KIF5B: variants seen among roughly 807,000 people sequenced by gnomAD.
KIF5B encodes the protein kinesin-1 heavy chain.
Under a neutral mutation model 132.8 loss-of-function variants are expected in KIF5B, and 49 were observed. The ratio of observed to expected loss-of-function variants is 0.37; its 90% CI spans 0.29 to 0.47. KIF5B has a LOEUF of 0.47. Among genes scored for constraint, KIF5B ranks in the 20% least tolerant of loss-of-function variants. The pLI, the probability that KIF5B is intolerant of heterozygous loss-of-function variation, is 1.00. For synonymous variants in KIF5B, 355 were observed against 369.4 expected, an observed-to-expected ratio of 0.96 and a Z score of 0.45; for missense variants, 780 against 1,144.0, an observed-to-expected ratio of 0.68 and a Z score of 4.59.
At chr10:32,038,242 G>T in intron 5 of KIF5B, 24 bp from the exon 6 acceptor site, 1 of 1,554,762 alleles carries the variant, frequency 6.4e-7, no homozygotes, top group Non-Finnish European at 8.9e-7. Flanking sequence ...ACAAATGTTA[G>T]CAACATTCTC....
At position 32,010,459 on chromosome 10, in the gene KIF5B, A is replaced by C. The variant is rs2132569388; in HGVS notation, c.*1078T>G. 1 of 152,332 alleles carries C rather than the reference A, an allele frequency of 6.6e-6. No homozygotes were observed. Among genetic ancestry groups the C allele is most frequent in the East Asian group, 1.9e-4 (1 of 5,192 alleles). 9.4% of individuals were successfully genotyped at this position (152,332 alleles called of 1,614,324 possible). A position where few individuals can be genotyped will look rare whatever the true frequency, so the allele number is the denominator to read the frequency against. On this transcript the variant is annotated 3_prime_UTR_variant, in exon 26 of 26. Transcript: ENST00000302418. ...GTGTACAAATTAGTGTAGCAGGTTA[A>C]AAACACCTCAGGGATTTCAGACCAA...
chr10:32,052,186 G>A (rs1841701990), intron 1 of KIF5B, among the ~76,000 whole-genome samples: 2 of 152,174 alleles, frequency 1.3e-5, no homozygotes, highest in African/African-American at 2.4e-5. Flanking sequence ...TCTTTCTCTG[G>A]AATTCTGAAT....
chr10:32,054,897 C>CA (rs1841733022), intron 1 of KIF5B, among the ~76,000 whole-genome samples: 2 of 151,920 alleles, frequency 1.3e-5, no homozygotes, highest in African/African-American at 4.8e-5. Context: ...TTTTTCATTA[C>CA]AAAAAAACAG....
Position 32,022,630 on chromosome 10 carries a change from C to G in KIF5B, c.1914+218G>C, listed in dbSNP as rs145870252. 1.3e-3 allele frequency among the ~76,000 whole-genome samples: 195 copies of G among 152,252 alleles called. 2 individuals carry two copies. The highest frequency in any genetic ancestry group is 7.5e-3 in the South Asian group (36 of 4,830). On this transcript the variant is annotated intron_variant, in intron 16 of 25. Coordinates refer to ENST00000302418, the MANE Select transcript of KIF5B (RefSeq NM_004521.3). ...GAATTCTGAAGTCTTTAACAAGTTACCACCAGTCACATCATTCTGGTAAAT... is the reference window on the plus strand; with the variant it reads ...GAATTCTGAAGTCTTTAACAAGTTAGCACCAGTCACATCATTCTGGTAAAT...
At chr10:32,043,068 ACC>A (rs1841562645) in intron 2 of KIF5B, among the ~76,000 whole-genome samples, 1 of 152,082 alleles carries the variant, frequency 6.6e-6, no homozygotes, top group African/African-American at 2.4e-5. Context: ...GCTCACTGCA[ACC>A]TCGGCTCACT....
chr10:32,031,407 T>C (rs1467593358), intron 13 of KIF5B, 128 bp from the exon 14 acceptor site: 8 of 691,402 alleles, frequency 1.2e-5, no homozygotes, highest in African/African-American at 1.1e-4. Flanking sequence ...GCAACATTTA[T>C]TCATTAAACA....
intron 1 of KIF5B, among the ~76,000 whole-genome samples, chr10:32,049,264 T>G (rs186505750): frequency 2.0e-5 from 3 of 152,264 alleles, no homozygotes; most frequent in African/African-American, 7.2e-5. Context: ...ATTAAAAAAT[T>G]AAGTGACCAG....
At chr10:32,020,414 T>C (rs567383957) in intron 19 of KIF5B, among the ~76,000 whole-genome samples, 21 of 151,770 alleles carry the variant, frequency 1.4e-4, no homozygotes, top group Non-Finnish European at 2.4e-4. Flanking sequence ...ATCCATAGAA[T>C]TTCCAGAAAA....
chr10:32,032,339 CTCTT>C (rs372428335), intron 13 of KIF5B, among the ~76,000 whole-genome samples: 2 of 152,096 alleles, frequency 1.3e-5, no homozygotes, highest in South Asian at 2.1e-4. Context: ...TGGAGAGTAT[CTCTT>C]TCTTACCGAA....
At chr10:32,022,644 A>G (rs553971101) in intron 16 of KIF5B, among the ~76,000 whole-genome samples, 3 of 152,304 alleles carry the variant, frequency 2.0e-5, no homozygotes, top group Non-Finnish European at 4.4e-5. Flanking sequence ...CAGTCACATC[A>G]TTCTGGTAAA....
At chr10:32,042,717 A>G (rs950527089) in intron 2 of KIF5B, among the ~76,000 whole-genome samples, 2 of 152,102 alleles carry the variant, frequency 1.3e-5, no homozygotes, top group African/African-American at 4.8e-5. Flanking sequence ...GAGGTGGACA[A>G]CTCTGAACAA....
chr10:32,018,023 C>T, intron 23 of KIF5B, 29 bp downstream of exon 23: 1 of 1,261,614 alleles, frequency 7.9e-7, no homozygotes, highest in South Asian at 1.4e-5. Context: ...TACTATCTTG[C>T]AGCTACCAGA....
intron 15 of KIF5B, among the ~76,000 whole-genome samples, chr10:32,025,787 T>C (rs906841576): frequency 2.6e-5 from 4 of 152,208 alleles, no homozygotes; most frequent in African/African-American, 9.7e-5. Context: ...GAATATAATT[T>C]AGTAATTTAA....
At chr10:32,013,419 T>G (rs1015744146) in intron 25 of KIF5B, among the ~76,000 whole-genome samples, 1 of 152,202 alleles carries the variant, frequency 6.6e-6, no homozygotes, top group Non-Finnish European at 1.5e-5. Flanking sequence ...ACAAGGTGAC[T>G]ACACATAAAA....
chr10:32,042,815 A>G (rs2132610176), intron 2 of KIF5B, among the ~76,000 whole-genome samples: 1 of 152,314 alleles, frequency 6.6e-6, no homozygotes, highest in Non-Finnish European at 1.5e-5. Context: ...GTCACTTTGT[A>G]TCTCCCTGAA....
chr10:32,022,854 G>C lies in KIF5B; in HGVS notation c.1908C>G (p.Ile636Met), dbSNP rs2132587503. The C allele has an allele frequency of 6.2e-7, 1 of 1,604,048 alleles. No homozygotes were observed. Among genetic ancestry groups the C allele is most frequent in the Non-Finnish European group, 8.5e-7 (1 of 1,173,138 alleles). ...ACTTTGTTCTATAACATACTTGAGA[G>C]ATACGAAGCTGACATGCTGCTAACT... Reference protein sequence around the residue: ...EKELAACQLRISQHEAKIKSL... With the variant: ...EKELAACQLRMSQHEAKIKSL... The change falls in exon 16 of 26, where the codon ATC (isoleucine) becomes ATG (methionine). Residue 636 changes from isoleucine to methionine, a missense_variant. Physicochemically the swap from Ile to Met is conservative, Grantham distance 10. Coordinates refer to ENST00000302418, the MANE Select transcript of KIF5B (RefSeq NM_004521.3).
chr10:32,046,569 G>T (rs142994741), intron 2 of KIF5B, among the ~76,000 whole-genome samples: 1 of 151,996 alleles, frequency 6.6e-6, no homozygotes, highest in African/African-American at 2.4e-5. Context: ...AATTTTCTGC[G>T]ATCTTATTCT....
chr10:32,029,372 G>C (rs1444280223), intron 14 of KIF5B, among the ~76,000 whole-genome samples: 2 of 152,102 alleles, frequency 1.3e-5, no homozygotes, highest in Non-Finnish European at 2.9e-5. Context: ...GAAACGCTTG[G>C]GGCTTCTGTA....
At chr10:32,038,411 T>A (rs1161274335) in intron 5 of KIF5B, among the ~76,000 whole-genome samples, 193 bp from the exon 6 acceptor site, 2 of 152,066 alleles carry the variant, frequency 1.3e-5, no homozygotes, top group East Asian at 3.8e-4. Flanking sequence ...CAATATAGAA[T>A]TTTAGGACCA....
Sources: gnomAD v4.1 joint callset for allele counts (sites outside exome capture counted in the v4.1 genomes callset) on GRCh38, gnomAD v4.1.1 for gene constraint, MANE v1.5 for transcripts, NCBI Gene and HGNC (gene_info 2026-07-23, HGNC 2026-07-21) for gene names.